The following DOCK9 variants were observed in gnomAD, a reference collection of about 807,000 sequenced individuals.
The protein encoded by DOCK9 is dedicator of cytokinesis 9.
A neutral mutation model predicts 263.3 loss-of-function variants in DOCK9; 89 were observed. The observed-to-expected ratio is 0.34, with a 90% CI of 0.28 to 0.40. DOCK9 has a LOEUF of 0.40. DOCK9 is among the 10% of genes least tolerant of loss of function. The pLI, the probability that DOCK9 is intolerant of heterozygous loss-of-function variation, is 1.00. For missense variants in DOCK9, 2,140 were observed against 2,603.4 expected, an observed-to-expected ratio of 0.82 and a Z score of 3.87; for synonymous variants, 976 against 973.1, an observed-to-expected ratio of 1.00 and a Z score of -0.06.
chr13:99,058,561 C>T (rs1433048786), intron 1 of DOCK9, among the ~76,000 whole-genome samples: 1 of 152,118 alleles, frequency 6.6e-6, no homozygotes, highest in Non-Finnish European at 1.5e-5. Context: ...CCCAGGACCC[C>T]CTGCCCTAAT....
At chr13:98,997,232 C>A (rs143169873) in intron 1 of DOCK9, among the ~76,000 whole-genome samples, 175 of 152,386 alleles carry the variant, frequency 1.1e-3, no homozygotes, top group Middle Eastern at 6.8e-3. Flanking sequence ...AAAGCGAACA[C>A]TGTAAAATCA....
At chr13:98,853,641 G>A (rs2093630290) in intron 34 of DOCK9, 119 bp from the exon 35 acceptor site, 1 of 738,214 alleles carries the variant, frequency 1.4e-6, no homozygotes, top group East Asian at 2.6e-5. Flanking sequence ...ATTGGAAGGT[G>A]CAAGTAACTT....
chr13:98,903,151 C>A, intron 10 of DOCK9, 39 bp from the exon 11 acceptor site: 1 of 1,430,234 alleles, frequency 7.0e-7, no homozygotes, highest in Non-Finnish European at 9.2e-7. Context: ...AAGTTATGCT[C>A]TTATTTTAAA....
chr13:98,905,163 G>C (rs147996321), intron 9 of DOCK9, among the ~76,000 whole-genome samples: 1 of 152,316 alleles, frequency 6.6e-6, no homozygotes, highest in Non-Finnish European at 1.5e-5. Flanking sequence ...CTGGGTGCAA[G>C]AAGGGGAAGA....
intron 1 of DOCK9, among the ~76,000 whole-genome samples, chr13:99,076,927 TG>T (rs1213331017): frequency 6.6e-6 from 1 of 152,040 alleles, no homozygotes; most frequent in Non-Finnish European, 1.5e-5. Flanking sequence ...TTAGTTTGGG[TG>T]GATAGGCCAG....
intron 2 of DOCK9, among the ~76,000 whole-genome samples, chr13:98,936,219 G>A (rs1373476979): frequency 1.3e-5 from 2 of 151,900 alleles, no homozygotes; most frequent in Admixed American, 1.3e-4. Context: ...TGAACAGCTA[G>A]TCAACCCTGA....
chr13:99,086,353 C>T (rs1238792052), exon 1 of DOCK9: 2 of 1,359,842 alleles, frequency 1.5e-6, no homozygotes, highest in Admixed American at 6.3e-5. Context: ...CTGCGACATC[C>T]TCCTGCCCCC....
intron 9 of DOCK9, among the ~76,000 whole-genome samples, chr13:98,910,025 C>A (rs2049760203): frequency 6.6e-6 from 1 of 152,082 alleles, no homozygotes; most frequent in Non-Finnish European, 1.5e-5. Context: ...CATGGGGAAA[C>A]CAAAGTAAAA....
chr13:98,998,306 A>C (rs1204699824), intron 1 of DOCK9, among the ~76,000 whole-genome samples: 3 of 152,058 alleles, frequency 2.0e-5, no homozygotes, highest in Non-Finnish European at 4.4e-5. Flanking sequence ...GGTAGGACCC[A>C]CCCTACCCTC....
intron 27 of DOCK9, among the ~76,000 whole-genome samples, chr13:98,874,400 C>T (rs2094273106): frequency 6.6e-6 from 1 of 152,168 alleles, no homozygotes; most frequent in African/African-American, 2.4e-5. Flanking sequence ...AGCTGATGGT[C>T]ATTTGGGTTG....
chr13:98,992,647 C>T (rs1004664608), intron 1 of DOCK9, among the ~76,000 whole-genome samples: 1 of 152,202 alleles, frequency 6.6e-6, no homozygotes, highest in Non-Finnish European at 1.5e-5. Flanking sequence ...ACCCCACTTG[C>T]CTGCCGCCAC....
chr13:99,087,003 G>A (rs771814929), upstream of DOCK9, among the ~76,000 whole-genome samples: 4 of 152,118 alleles, frequency 2.6e-5, no homozygotes, highest in Non-Finnish European at 1.5e-5. Context: ...TGCGCTCGAG[G>A]GGACCCCGAA....
chr13:99,087,752 G>A (rs1304784414), upstream of DOCK9: 3 of 152,400 alleles, frequency 2.0e-5, no homozygotes, highest in Non-Finnish European at 4.4e-5. Context: ...GGTACCCCGG[G>A]CGGGGAGCCT....
intron 1 of DOCK9, among the ~76,000 whole-genome samples, chr13:99,023,978 C>T (rs78895284): frequency 0.092 from 13,972 of 152,192 alleles, 917 homozygotes; most frequent in East Asian, 0.24. Flanking sequence ...TGAACAAATA[C>T]AATGTACACA....
intron 1 of DOCK9, among the ~76,000 whole-genome samples, chr13:98,962,864 G>C (rs1400326077): frequency 3.3e-5 from 5 of 152,150 alleles, no homozygotes; most frequent in Non-Finnish European, 7.3e-5. Flanking sequence ...GGAAGACGAA[G>C]AATAACCACA....
intron 49 of DOCK9, among the ~76,000 whole-genome samples, chr13:98,804,460 G>A (rs556827727): frequency 6.6e-6 from 1 of 152,316 alleles, no homozygotes; most frequent in South Asian, 2.1e-4. Flanking sequence ...TGAACTCGTG[G>A]ATAGCCACTG....
At chr13:98,885,996 A>G (rs1305099139) in intron 19 of DOCK9, among the ~76,000 whole-genome samples, 165 bp from the exon 20 acceptor site, 1 of 152,252 alleles carries the variant, frequency 6.6e-6, no homozygotes, top group Admixed American at 6.5e-5. Context: ...GTGCCAAGCA[A>G]GAAATGAATC....
chr13:98,896,048 G>C (rs1341701105), intron 15 of DOCK9, among the ~76,000 whole-genome samples: 1 of 152,172 alleles, frequency 6.6e-6, no homozygotes, highest in African/African-American at 2.4e-5. Context: ...TACGTGAGCT[G>C]TGAAAGGTTC....
In DOCK9 at chr13:98,854,310, A is replaced by G. The variant is rs187003634; in HGVS notation, c.3832-788T>C. On this transcript the variant is annotated intron_variant, in intron 34 of 52. Coordinates refer to ENST00000682017, the MANE Select transcript of DOCK9 (RefSeq NM_001366683.2). ...CCCAGTTGAATTTCCAATTGAAATAAAAAAAATTTTTTTACCAAATATCAA... is the reference window on the plus strand; with the variant it reads ...CCCAGTTGAATTTCCAATTGAAATAGAAAAAATTTTTTTACCAAATATCAA... Among the ~76,000 whole-genome samples, 848 of 152,292 alleles carry G rather than the reference A, an allele frequency of 5.6e-3. 8 individuals carry two copies. Among genetic ancestry groups the G allele is most frequent in the South Asian group, 0.023 (110 of 4,816 alleles).
Sources: allele counts gnomAD v4.1 joint callset (sites outside exome capture counted in the v4.1 genomes callset), GRCh38; gene constraint gnomAD v4.1.1; transcripts MANE v1.5; gene names NCBI Gene and HGNC (gene_info 2026-07-23, HGNC 2026-07-21).